FAM161A: variants seen among roughly 807,000 people sequenced by gnomAD.
The protein encoded by FAM161A is FAM161 centrosomal protein A, also known as protein FAM161A.
A neutral mutation model predicts 70.9 loss-of-function variants in FAM161A; 57 were observed. That is an observed-to-expected ratio of 0.80 (90% confidence interval 0.65 to 1.00). FAM161A has a LOEUF of 1.00. FAM161A is among the 50% of genes least tolerant of loss of function. FAM161A has a pLI of 0.00. For missense variants in FAM161A, 880 were observed against 836.0 expected (o/e 1.05, Z -0.65); for synonymous variants, 299 against 295.7 (o/e 1.01, Z -0.12).
At chr2:61,848,588 T>A (rs925882674) in intron 1 of FAM161A, among the ~76,000 whole-genome samples, 16 of 151,532 alleles carry the variant, frequency 1.1e-4, no homozygotes, top group Non-Finnish European at 1.8e-4. Context: ...AGATAATGAA[T>A]CCTTCCAGTA....
chr2:61,853,786 C>T, intron 1 of FAM161A, 73 bp downstream of exon 1: 2 of 1,561,002 alleles, frequency 1.3e-6, no homozygotes, highest in Admixed American at 1.8e-5. Context: ...CTCAGCTGGG[C>T]GGGGAACCGG....
intron 1 of FAM161A, among the ~76,000 whole-genome samples, chr2:61,850,904 C>T (rs182940454): frequency 5.3e-5 from 8 of 152,154 alleles, no homozygotes; most frequent in Admixed American, 3.3e-4. Flanking sequence ...GATGGAGTTT[C>T]GCTCTTGTTG....
the FAM161A span, among the ~76,000 whole-genome samples, chr2:61,815,692 A>C: frequency 6.6e-6 from 1 of 151,852 alleles, no homozygotes; most frequent in African/African-American, 2.4e-5. Flanking sequence ...CTGGGATTAC[A>C]GGCATGTGCT....
chr2:61,800,739 A>T, the FAM161A span, among the ~76,000 whole-genome samples: 1 of 152,256 alleles, frequency 6.6e-6, no homozygotes, highest in Non-Finnish European at 1.5e-5. Flanking sequence ...GGCTATTGGC[A>T]AGCAGCTGGC....
At chr2:61,816,724 C>T in the FAM161A span, among the ~76,000 whole-genome samples, 2 of 152,176 alleles carry the variant, frequency 1.3e-5, no homozygotes. Flanking sequence ...ACTTCGGCCT[C>T]CCAAAGTGCT....
chr2:61,817,089 T>A, the FAM161A span, among the ~76,000 whole-genome samples: 1 of 152,222 alleles, frequency 6.6e-6, no homozygotes, highest in African/African-American at 2.4e-5. Flanking sequence ...ATGTGGTTTG[T>A]CACTGGCTGC....
At chr2:61,820,881 T>C (rs990935926), downstream of FAM161A, among the ~76,000 whole-genome samples, 4 of 152,174 alleles carry the variant, frequency 2.6e-5, no homozygotes, top group African/African-American at 9.7e-5. Flanking sequence ...GCCTCATTTA[T>C]ATTTTTCTTT....
downstream of FAM161A, chr2:61,820,281 G>A: frequency 1.4e-6 from 1 of 695,728 alleles, no homozygotes; most frequent in Non-Finnish European, 2.6e-6. Flanking sequence ...CGACTGATGA[G>A]AGGCTGAGGA....
the FAM161A span, among the ~76,000 whole-genome samples, chr2:61,807,231 T>C: frequency 6.6e-6 from 1 of 150,592 alleles, no homozygotes; most frequent in Admixed American, 6.6e-5. Flanking sequence ...ACAACGGAAA[T>C]GAAGCAAAGC....
the FAM161A span, among the ~76,000 whole-genome samples, chr2:61,800,460 G>A: frequency 2.6e-5 from 4 of 152,158 alleles, no homozygotes; most frequent in Non-Finnish European, 5.9e-5. Context: ...TCCCGGTACC[G>A]TCGTTAGATT....
In FAM161A at chr2:61,840,489, G is replaced by T. The variant is rs1672979422; in HGVS notation, c.515C>A (p.Ser172Tyr). The T allele has an allele frequency of 1.2e-6, 2 of 1,612,984 alleles. No homozygotes were observed. The highest frequency in any genetic ancestry group is 1.7e-6 in the Non-Finnish European group (2 of 1,179,012). ...DLGQSSSLYVSSSEEELPNLE... is the reference protein window; with the variant it reads ...DLGQSSSLYVYSSEEELPNLE... Reference sequence around the variant, plus strand: ...GTTGGGTAACTCCTCTTCAGAGGAGGACACATACAAGGAGGAAGACTGGCC... The same window carrying T: ...GTTGGGTAACTCCTCTTCAGAGGAGTACACATACAAGGAGGAAGACTGGCC... Residue 172 changes from serine (S) to tyrosine (Y), a missense_variant, in exon 3 of 7, where the codon TCC becomes TAC. By Grantham distance (144) the Ser-to-Tyr change is moderately radical (BLOSUM62 -2). Coordinates refer to ENST00000404929, the MANE Select transcript of FAM161A (RefSeq NM_001201543.2).
downstream of FAM161A, chr2:61,820,300 G>A (rs1672176324): frequency 1.7e-5 from 12 of 723,926 alleles, 1 homozygote; most frequent in South Asian, 1.7e-4. Flanking sequence ...GAGCCATTCT[G>A]AGCAATGGGG....
At chr2:61,820,568 G>T, downstream of FAM161A, 1 of 736,624 alleles carries the variant, frequency 1.4e-6, no homozygotes, top group South Asian at 1.4e-5. Flanking sequence ...CTAAGAGACA[G>T]TAGGATAAAT....
At chr2:61,804,826 GA>G in the FAM161A span, among the ~76,000 whole-genome samples, 29 of 142,664 alleles carry the variant, frequency 2.0e-4, no homozygotes, top group African/African-American at 7.3e-4. Context: ...AAGAGAAAGA[GA>G]AAGAAAGAAG....
At chr2:61,808,384 T>C in the FAM161A span, among the ~76,000 whole-genome samples, 3 of 151,988 alleles carry the variant, frequency 2.0e-5, no homozygotes, top group African/African-American at 7.2e-5. Flanking sequence ...GCAATTCCGC[T>C]GCATCTGCCT....
At chr2:61,821,736 T>G (rs1488018184), downstream of FAM161A, among the ~76,000 whole-genome samples, 1 of 151,932 alleles carries the variant, frequency 6.6e-6, no homozygotes, top group Non-Finnish European at 1.5e-5. Context: ...CTGTCAGAAA[T>G]CTGGTCAGAA....
intron 5 of FAM161A, among the ~76,000 whole-genome samples, chr2:61,832,002 G>A (rs538922433): frequency 6.6e-6 from 1 of 152,142 alleles, no homozygotes; most frequent in South Asian, 2.1e-4. Context: ...CCGACACTTT[G>A]GAAGGCCGAG....
the FAM161A span, among the ~76,000 whole-genome samples, chr2:61,803,601 G>C: frequency 3.9e-5 from 6 of 152,326 alleles, no homozygotes; most frequent in African/African-American, 1.4e-4. Context: ...GGATCACAAG[G>C]TCAGGAGTTC....
downstream of FAM161A, among the ~76,000 whole-genome samples, chr2:61,823,773 A>G (rs183636923): frequency 1.8e-4 from 27 of 152,256 alleles, no homozygotes; most frequent in African/African-American, 6.5e-4. Context: ...AATAAGTATG[A>G]AGTAATAGGG....
Sources: gnomAD v4.1 joint callset for allele counts (sites outside exome capture counted in the v4.1 genomes callset) on GRCh38, gnomAD v4.1.1 for gene constraint, MANE v1.5 for transcripts, NCBI Gene and HGNC (gene_info 2026-07-23, HGNC 2026-07-21) for gene names.